Variants in ATM observed in about 807,000 individuals in gnomAD.
ATM encodes serine-protein kinase ATM.
ATM carries 308 observed loss-of-function variants against 387.0 expected under a neutral mutation model. The ratio of observed to expected loss-of-function variants is 0.80; its 90% CI spans 0.73 to 0.87. The LOEUF (loss-of-function observed/expected upper bound fraction) is 0.87, where lower values mean the gene tolerates loss of function less well. ATM is among the 40% of genes least tolerant of loss of function. The pLI, the probability that ATM is intolerant of heterozygous loss-of-function variation, is 0.00. For synonymous variants in ATM, 1,156 were observed against 1,187.3 expected (o/e 0.97, Z 0.54); for missense variants, 3,312 against 3,560.9 (o/e 0.93, Z 1.78).
At chr11:108,348,231 TAGAC>T (rs1475219200) in intron 59 of ATM, among the ~76,000 whole-genome samples, 1 of 151,822 alleles carries the variant, frequency 6.6e-6, no homozygotes, top group East Asian at 1.9e-4. Context: ...TGTATATATA[TAGAC>T]AGTTTAATAT....
rs1565532052 is a variant in ATM, at chr11:108,331,462, C to A, written c.7534C>A (p.Pro2512Thr). The A allele has an allele frequency of 6.2e-6, 10 of 1,612,122 alleles. No individual in the cohort carries two copies. The highest frequency in any genetic ancestry group is 8.5e-6 in the Non-Finnish European group (10 of 1,179,214). ...GMMKRDGMKI[P>T]TYKFLPLMYQ... ...ATGGTAGAGAGACGGAATGAAGATT[C>A]CAACATATAAATTTTTGCCTCTTAT... Residue 2512 changes from proline (P) to threonine (T), a missense_variant, in exon 51 of 63, where the codon CCA becomes ACA. By Grantham distance (38) the Pro-to-Thr change is conservative (BLOSUM62 -1). This residue lies in a region of ATM where 1,405 missense variants were observed against 1,604.4 expected (regional missense o/e 0.88). Coordinates refer to ENST00000675843, the MANE Select transcript of ATM (RefSeq NM_000051.4).
intron 5 of ATM, 77 bp from the exon 6 acceptor site, chr11:108,243,876 A>G: frequency 7.6e-7 from 1 of 1,322,260 alleles, no homozygotes; most frequent in Non-Finnish European, 1.0e-6. Flanking sequence ...ATTATGGAAT[A>G]TTTAAGTTAA....
At chr11:108,337,658 T>C (rs973927685) in intron 56 of ATM, among the ~76,000 whole-genome samples, 1 of 152,104 alleles carries the variant, frequency 6.6e-6, no homozygotes. Context: ...CTGACTTCAT[T>C]TTAGAACAAA....
chr11:108,329,297 T>C (rs555937487), intron 49 of ATM, 59 bp downstream of exon 49: 2 of 1,457,658 alleles, frequency 1.4e-6, no homozygotes, highest in Admixed American at 1.8e-5. Context: ...GTGAGTGTTT[T>C]TGCATAGAAA....
chr11:108,267,044 G>A lies in ATM; in HGVS notation c.2467-127G>A, dbSNP rs556583657. 8.4e-5 allele frequency: 76 copies of A among 901,100 alleles called. 1 individual carries two copies. The African/African-American group carries it at 1.2e-3, about 14-fold the overall frequency. 55.8% of individuals were successfully genotyped at this position (901,100 alleles called of 1,614,324 possible). ...CTCCCGACCTCAGGTGATCCACCTG[G>A]CTCTGCCTCCCAAATTGCTGAGATT... On this transcript the variant is annotated intron_variant, in intron 16 of 62. Transcript: ENST00000675843.
intron 59 of ATM, among the ~76,000 whole-genome samples, chr11:108,348,150 GA>G (rs1271658768): frequency 6.6e-6 from 1 of 151,978 alleles, no homozygotes; most frequent in Non-Finnish European, 1.5e-5. Flanking sequence ...TCATTATTTT[GA>G]AGTATTAATG....
At chr11:108,268,720 T>C in intron 18 of ATM, 111 bp downstream of exon 18, 1 of 1,246,536 alleles carries the variant, frequency 8.0e-7, no homozygotes, top group Non-Finnish European at 1.2e-6. Flanking sequence ...TGAAATTGCT[T>C]TCTTGAGAAA....
intron 56 of ATM, among the ~76,000 whole-genome samples, chr11:108,339,976 G>C (rs564046867): frequency 6.6e-6 from 1 of 152,048 alleles, no homozygotes; most frequent in Non-Finnish European, 1.5e-5. Flanking sequence ...ACCTACGTTG[G>C]GTTAGATACT....
At chr11:108,263,911 C>T (rs1440435140) in intron 16 of ATM, among the ~76,000 whole-genome samples, 21 of 150,180 alleles carry the variant, frequency 1.4e-4, no homozygotes, top group East Asian at 1.9e-4. Flanking sequence ...GACACATACA[C>T]TCTCCCAAGA....
At chr11:108,265,189 A>G (rs2081155285) in intron 16 of ATM, among the ~76,000 whole-genome samples, 1 of 151,904 alleles carries the variant, frequency 6.6e-6, no homozygotes, top group Non-Finnish European at 1.5e-5. Context: ...ATCCTAAGCC[A>G]AAAGAACAAA....
rs2091420851 is a variant in ATM at position 108,368,007 on chromosome 11, A to G, written c.*2499A>G. On this transcript the variant is annotated 3_prime_UTR_variant, in exon 63 of 63. Coordinates refer to ENST00000675843, the MANE Select transcript of ATM (RefSeq NM_000051.4). ...TAATAGTATAGATAAATGAATTTGTAGCTAATTCTTGCTAGTTGTTGCATC... is the reference window on the plus strand; with the variant it reads ...TAATAGTATAGATAAATGAATTTGTGGCTAATTCTTGCTAGTTGTTGCATC... The G allele has an allele frequency of 4.8e-6, 1 of 206,648 alleles. No homozygotes were observed. The highest frequency in any genetic ancestry group is 9.9e-6 in the Non-Finnish European group (1 of 101,288). 12.8% of individuals were successfully genotyped at this position (206,648 alleles called of 1,614,324 possible).
intron 18 of ATM, among the ~76,000 whole-genome samples, chr11:108,270,614 T>C (rs187429579): frequency 6.6e-5 from 10 of 152,282 alleles, no homozygotes; most frequent in Admixed American, 5.9e-4. Context: ...AAGCCTTTTG[T>C]TTTTACTATA....
chr11:108,348,277 A>C (rs543074716), intron 59 of ATM, among the ~76,000 whole-genome samples: 67 of 151,988 alleles, frequency 4.4e-4, no homozygotes, highest in African/African-American at 1.3e-3. Context: ...GCTAAGGAAT[A>C]TATCAAGTTT....
At chr11:108,334,523 C>T (rs1318049147) in intron 54 of ATM, among the ~76,000 whole-genome samples, 1 of 152,026 alleles carries the variant, frequency 6.6e-6, no homozygotes, top group Non-Finnish European at 1.5e-5. Context: ...AAATGATCAT[C>T]TTAAATACAT....
intron 16 of ATM, among the ~76,000 whole-genome samples, chr11:108,264,544 T>G (rs937924876): frequency 6.6e-6 from 1 of 151,462 alleles, no homozygotes; most frequent in African/African-American, 2.4e-5. Context: ...GGGCAAAAAC[T>G]GGAAGCATTC....
chr11:108,270,687 T>C (rs2081524008), intron 18 of ATM, among the ~76,000 whole-genome samples: 1 of 151,952 alleles, frequency 6.6e-6, no homozygotes, highest in Admixed American at 6.6e-5. Context: ...GAATTTATGT[T>C]TATATACTTA....
chr11:108,281,047 C>A lies in ATM; in HGVS notation c.3455C>A (p.Ser1152Tyr), dbSNP rs775045299. ...ETLDEIYNRKSVLLTLIAVVL... is the reference protein window; with the variant it reads ...ETLDEIYNRKYVLLTLIAVVL... ...TTGGATGAAATTTATAATAGAAAATCTGTTTTACTGACGTTGATAGCTGTG... is the reference window on the plus strand; with the variant it reads ...TTGGATGAAATTTATAATAGAAAATATGTTTTACTGACGTTGATAGCTGTG... Residue 1152 changes from serine to tyrosine, a missense_variant, in exon 24 of 63, where the codon TCT becomes TAT. This residue lies in a region of ATM where 1,791 missense variants were observed against 1,804.5 expected (regional missense o/e 0.99). Coordinates refer to ENST00000675843, the MANE Select transcript of ATM (RefSeq NM_000051.4). The A allele has an allele frequency of 1.9e-6, 3 of 1,613,562 alleles. No individual in the cohort carries two copies. The highest frequency in any genetic ancestry group is 2.5e-6 in the Non-Finnish European group (3 of 1,179,772).
At chr11:108,351,633 G>A (rs2089209276) in intron 59 of ATM, among the ~76,000 whole-genome samples, 1 of 152,124 alleles carries the variant, frequency 6.6e-6, no homozygotes, top group Admixed American at 6.5e-5. Flanking sequence ...TGGCCTCTCT[G>A]TCCACAATAG....
At chr11:108,328,993 A>G (rs2136408120) in intron 48 of ATM, 28 bp from the exon 49 acceptor site, 3 of 1,581,338 alleles carry the variant, frequency 1.9e-6, no homozygotes, top group Non-Finnish European at 2.6e-6. Flanking sequence ...TTGTAAATAT[A>G]ATTTAAATTG....
Sources: gnomAD v4.1 joint callset for allele counts (sites outside exome capture counted in the v4.1 genomes callset) on GRCh38, gnomAD v4.1.1 for gene constraint, gnomAD v4.1.1 regional missense constraint, MANE v1.5 for transcripts, NCBI Gene and HGNC (gene_info 2026-07-23, HGNC 2026-07-21) for gene names.